The following FAT3 variants were observed in gnomAD, a reference collection of about 807,000 sequenced individuals.
FAT3 encodes protocadherin Fat 3.
A neutral mutation model predicts 310.2 loss-of-function variants in FAT3; 95 were observed. That is an observed-to-expected ratio of 0.31 (90% CI 0.26 to 0.36). The LOEUF (loss-of-function observed/expected upper bound fraction) is 0.36. FAT3 is among the 10% of genes least tolerant of loss of function. The probability of loss-of-function intolerance (pLI) is 1.00; values close to 1 mark genes in which losing one functional copy is unlikely to be tolerated. For missense variants in FAT3, 5,408 were observed against 5,715.6 expected (o/e 0.95, Z 1.74); for synonymous variants, 2,314 against 2,192.9 (o/e 1.06, Z -1.54).
At chr11:92,273,258 T>G (rs1484687553) in intron 1 of FAT3, among the ~76,000 whole-genome samples, 5 of 152,072 alleles carry the variant, frequency 3.3e-5, no homozygotes, top group African/African-American at 1.2e-4. Flanking sequence ...ATCTCTGCCT[T>G]TAAAATAGCT....
At chr11:92,716,749 A>G (rs1944702539) in intron 4 of FAT3, among the ~76,000 whole-genome samples, 1 of 152,232 alleles carries the variant, frequency 6.6e-6, no homozygotes, top group Non-Finnish European at 1.5e-5. Flanking sequence ...TCCCAGCCTA[A>G]TTGCTATGAT....
In FAT3 at chr11:92,880,848, T is replaced by A. The variant is rs1318134686; in HGVS notation, c.12245T>A (p.Phe4082Tyr). ...GGSCDPIGNT[F>Y]ICNCKAGLTG... The stretch of plus-strand genomic sequence containing the variant: ...TCCTGCGATCCAATAGGAAACACTT[T>A]CATCTGCAATTGTAAAGCTGGGCTC... The change falls in exon 23 of 28, where the codon TTC (phenylalanine) becomes TAC (tyrosine). Residue 4082 changes from phenylalanine to tyrosine, a missense_variant. Phe to Tyr is a conservative substitution (Grantham distance 22). Coordinates refer to ENST00000525166, the MANE Select transcript of FAT3 (RefSeq NM_001367949.2). 1.2e-6 allele frequency: 2 copies of A among 1,613,862 alleles called. No homozygotes were observed. Among genetic ancestry groups the A allele is most frequent in the African/African-American group, 2.7e-5 (2 of 74,926 alleles).
chr11:92,489,669 A>G (rs980192965), intron 2 of FAT3, among the ~76,000 whole-genome samples: 23 of 152,058 alleles, frequency 1.5e-4, no homozygotes, highest in African/African-American at 5.6e-4. Flanking sequence ...TATAACACCT[A>G]CCAGATGCTA....
At chr11:92,547,798 G>A (rs1263367891) in intron 3 of FAT3, among the ~76,000 whole-genome samples, 1 of 152,112 alleles carries the variant, frequency 6.6e-6, no homozygotes, top group African/African-American at 2.4e-5. Flanking sequence ...GACCCACTTG[G>A]CCCTGAAACA....
At chr11:92,696,122 ATG>A (rs930985323) in intron 3 of FAT3, among the ~76,000 whole-genome samples, 5 of 46,358 alleles carry the variant, frequency 1.1e-4, no homozygotes, top group Non-Finnish European at 2.7e-4. Flanking sequence ...TATATATACC[ATG>A]TGTATATATA....
At position 92,762,039 on chromosome 11, in the gene FAT3, G is replaced by A. The variant is rs772340817; in HGVS notation, c.3853G>A (p.Glu1285Lys). Reference sequence around the variant, plus strand: ...CAGGGCTTTTGCATTTGATAGAGATGAGGGCCCCAACGCAGAAATCTCCTA... The same window carrying A: ...CAGGGCTTTTGCATTTGATAGAGATAAGGGCCCCAACGCAGAAATCTCCTA... ...IYRAFAFDRDEGPNAEISYSI... is the reference protein window; with the variant it reads ...IYRAFAFDRDKGPNAEISYSI... The change falls in exon 5 of 28, where the codon GAG (glutamate) becomes AAG (lysine). Residue 1285 changes from glutamate (E) to lysine (K), a missense_variant. Glu to Lys is a moderately conservative substitution (Grantham distance 56). Around this residue, in one of 5 missense-constraint regions of FAT3, gnomAD observed 4,588 missense variants for 4,809.8 expected, o/e 0.95. Transcript: ENST00000525166. 5 of 1,613,830 alleles carry A rather than the reference G, an allele frequency of 3.1e-6. No homozygotes were observed. The highest frequency in any genetic ancestry group is 1.3e-5 in the African/African-American group (1 of 74,912).
chr11:92,533,157 T>G (rs569024545), intron 3 of FAT3, among the ~76,000 whole-genome samples: 1 of 152,096 alleles, frequency 6.6e-6, no homozygotes, highest in African/African-American at 2.4e-5. Flanking sequence ...GCCTCCCAAG[T>G]AGCTGGGACT....
chr11:92,624,689 A>T (rs988063212), intron 3 of FAT3, among the ~76,000 whole-genome samples: 3 of 152,076 alleles, frequency 2.0e-5, no homozygotes, highest in Non-Finnish European at 4.4e-5. Flanking sequence ...GGATTTAGAG[A>T]GAGAGGAAAT....
intron 1 of FAT3, among the ~76,000 whole-genome samples, chr11:92,312,765 T>C (rs1367515879): frequency 6.6e-6 from 1 of 152,194 alleles, no homozygotes; most frequent in African/African-American, 2.4e-5. Context: ...TCCATACATG[T>C]CGGATGCAAA....
intron 3 of FAT3, among the ~76,000 whole-genome samples, chr11:92,633,251 A>T (rs1194592476): frequency 1.3e-5 from 2 of 152,182 alleles, no homozygotes; most frequent in Non-Finnish European, 2.9e-5. Context: ...TTAAATAGAA[A>T]AGACAGCTTT....
intron 1 of FAT3, among the ~76,000 whole-genome samples, chr11:92,306,735 T>TTATATATATATATA (rs573092831): frequency 2.4e-5 from 3 of 123,128 alleles, no homozygotes; most frequent in African/African-American, 9.2e-5. Context: ...ATATATATAT[T>TTATATATATATATA]TATATATAAA....
rs1949717395 is a variant in FAT3, at chr11:92,883,251, G to C, written c.12795G>C (p.Thr4265=). The change falls in exon 24 of 28, where the codon ACG becomes ACC. Residue 4265 remains threonine, a synonymous_variant. Transcript: ENST00000525166. This position sits in a 1 kb window ranked among gnomAD's most constrained non-coding sequence, Gnocchi z 4.2. ...GAGGCGAGCACCAGGAAATGACCAC[G>C]TTTCACCCTGAGTCGCCCCGCATCC... ...GLGGEHQEMT[T]FHPESPRILT... The C allele has an allele frequency of 5.0e-6, 8 of 1,612,900 alleles. No homozygotes were observed. Among genetic ancestry groups the C allele is most frequent in the African/African-American group, 1.3e-5 (1 of 75,034 alleles).
chr11:92,274,135 T>C (rs1946200831), intron 1 of FAT3, among the ~76,000 whole-genome samples: 1 of 152,140 alleles, frequency 6.6e-6, no homozygotes, highest in South Asian at 2.1e-4. Flanking sequence ...CTCAATATCC[T>C]TTTTGAGCCC....
intron 1 of FAT3, among the ~76,000 whole-genome samples, chr11:92,238,298 T>C (rs1864520543): frequency 6.6e-6 from 1 of 152,132 alleles, no homozygotes; most frequent in African/African-American, 2.4e-5. Flanking sequence ...GTGAAACATA[T>C]TAACTTACTT....
chr11:92,784,685 T>C (rs1226372373), intron 7 of FAT3, among the ~76,000 whole-genome samples: 3 of 152,202 alleles, frequency 2.0e-5, no homozygotes, highest in Non-Finnish European at 2.9e-5. Context: ...GCTTTGTTTG[T>C]TAGTTCGGGA....
intron 1 of FAT3, among the ~76,000 whole-genome samples, chr11:92,331,269 A>G (rs1462476535): frequency 6.6e-6 from 1 of 150,828 alleles, no homozygotes; most frequent in Non-Finnish European, 1.5e-5. Flanking sequence ...AGTGCATATA[A>G]GGTATGTTTT....
chr11:92,874,092 A>G (rs1949463203), intron 22 of FAT3, among the ~76,000 whole-genome samples: 1 of 152,040 alleles, frequency 6.6e-6, no homozygotes, highest in Admixed American at 6.6e-5. Flanking sequence ...TGTTCTTGCT[A>G]ATTATTTCCT....
At chr11:92,348,530 T>C (rs936707967) in intron 1 of FAT3, among the ~76,000 whole-genome samples, 8 of 152,220 alleles carry the variant, frequency 5.3e-5, no homozygotes, top group African/African-American at 1.7e-4. Context: ...AACAGTTAAC[T>C]ACTTAGAGGA....
chr11:92,313,214 TG>T lies in FAT3; in HGVS notation c.-17-38881del, dbSNP rs549433868. The stretch of plus-strand genomic sequence containing the variant: ...AGAAACACTAGGTAAATGCAGAAAC[TG>T]TAGCCAGCTGAATGCCACATAGGAA... On this transcript the variant is annotated intron_variant, in intron 1 of 27. Coordinates refer to ENST00000525166, the MANE Select transcript of FAT3 (RefSeq NM_001367949.2). Among the ~76,000 whole-genome samples the T allele has an allele frequency of 3.0e-3, 457 of 152,308 alleles. 2 individuals are homozygous for T. Among genetic ancestry groups the T allele is most frequent in the African/African-American group, 9.9e-3 (413 of 41,580 alleles).
Sources: gnomAD v4.1 joint callset for allele counts (sites outside exome capture counted in the v4.1 genomes callset) on GRCh38, gnomAD v4.1.1 for gene constraint, gnomAD v4.1.1 regional missense constraint, Gnocchi (gnomAD v3.1) non-coding constraint, MANE v1.5 for transcripts, NCBI Gene and HGNC (gene_info 2026-07-23, HGNC 2026-07-21) for gene names.